VPS35L: variants seen among roughly 807,000 people sequenced by gnomAD.
VPS35L encodes the protein VPS35 endosomal protein-sorting factor-like.
VPS35L carries 83 observed loss-of-function variants against 133.0 expected under a neutral mutation model. That is an observed-to-expected ratio of 0.62 (90% confidence interval 0.52 to 0.75). The LOEUF (loss-of-function observed/expected upper bound fraction) is 0.75, where lower values mean the gene tolerates loss of function less well. Ranked by LOEUF, VPS35L falls within the 30% of genes least tolerant of loss-of-function variation. The pLI, the probability that VPS35L is intolerant of heterozygous loss-of-function variation, is 0.00. For missense variants in VPS35L, 1,083 were observed against 1,206.8 expected (o/e 0.90, Z 1.52); for synonymous variants, 423 against 449.9 (o/e 0.94, Z 0.76).
Position 19,633,587 on chromosome 16 carries a change from G to A in VPS35L, c.1635+415G>A, listed in dbSNP as rs539389782. Among the ~76,000 whole-genome samples the A allele has an allele frequency of 5.8e-4, 89 of 152,234 alleles. No homozygotes were observed. The highest frequency in any genetic ancestry group is 1.9e-3 in the African/African-American group (79 of 41,544). On this transcript the variant is annotated intron_variant, in intron 19 of 30. Transcript: ENST00000417362. This position sits in a 1 kb window ranked among gnomAD's most constrained non-coding sequence, Gnocchi z 4.1. ...GCTGGAGTGCAGTGGTGCGATCACC[G>A]CTTGGCACAGCCTCGACTTCCTGGG...
At chr16:19,681,666 CTG>C (rs1378610806) in intron 27 of VPS35L, among the ~76,000 whole-genome samples, 1 of 152,240 alleles carries the variant, frequency 6.6e-6, no homozygotes, top group Non-Finnish European at 1.5e-5. Flanking sequence ...GCTATAAACT[CTG>C]TGACTGTCTC....
rs1972052047 is a variant in VPS35L, at chr16:19,591,798, G to A, written c.648G>A (p.Lys216=). The part of the protein sequence containing the change: ...KALKIVIQCS[K]LLSDTSVIQF... ...TTTTTCTCTTTTTTTAGTGTTCAAA[G>A]CTTCTTTCAGACACCAGTGTTATTC... The change falls in exon 8 of 31, where the codon AAG becomes AAA. Residue 216 remains lysine, a synonymous_variant. Transcript: ENST00000417362. 7 of 1,611,598 alleles carry A rather than the reference G, an allele frequency of 4.3e-6. No homozygotes were observed. Among genetic ancestry groups the A allele is most frequent in the Non-Finnish European group, 5.9e-6 (7 of 1,178,106 alleles).
intron 9 of VPS35L, among the ~76,000 whole-genome samples, chr16:19,606,225 A>G (rs1972534026): frequency 6.6e-6 from 1 of 152,236 alleles, no homozygotes; most frequent in African/African-American, 2.4e-5. Flanking sequence ...TCAGCTAGAC[A>G]GTGAGAGATT....
At chr16:19,690,962 A>G (rs1597441772) in intron 28 of VPS35L, among the ~76,000 whole-genome samples, 1 of 84,356 alleles carries the variant, frequency 1.2e-5, no homozygotes, top group Admixed American at 1.1e-4. Context: ...ACTCCGTCTC[A>G]AAAAAAAAAA....
At chr16:19,693,814 T>G (rs1228712552) in intron 29 of VPS35L, among the ~76,000 whole-genome samples, 2 of 150,036 alleles carry the variant, frequency 1.3e-5, no homozygotes, top group Non-Finnish European at 3.0e-5. Context: ...CCGGGCGTGG[T>G]GGTGAGTGCC....
chr16:19,582,495 C>G (rs6497384), intron 7 of VPS35L, among the ~76,000 whole-genome samples: 44,220 of 151,876 alleles, frequency 0.29, 8,163 homozygotes, highest in African/African-American at 0.53. Context: ...TTGTATAGTA[C>G]GGGTGATTTC....
At chr16:19,572,653 G>T (rs917689272) in intron 3 of VPS35L, among the ~76,000 whole-genome samples, 3 of 151,988 alleles carry the variant, frequency 2.0e-5, no homozygotes, top group African/African-American at 7.2e-5. Flanking sequence ...AGCATTTTTT[G>T]ATATGTTTAT....
intron 7 of VPS35L, among the ~76,000 whole-genome samples, chr16:19,591,410 G>A (rs1214075555): frequency 1.3e-5 from 2 of 152,050 alleles, no homozygotes; most frequent in South Asian, 2.1e-4. Flanking sequence ...AGGTGATAGT[G>A]TATTTTCTTA....
At chr16:19,637,007 T>TAGGG (rs1300248130) in intron 19 of VPS35L, among the ~76,000 whole-genome samples, 9 of 152,336 alleles carry the variant, frequency 5.9e-5, no homozygotes, top group African/African-American at 2.2e-4. Flanking sequence ...TGATGTAGAA[T>TAGGG]AGGGATTGGC....
intron 3 of VPS35L, among the ~76,000 whole-genome samples, chr16:19,571,377 C>T (rs1971380127): frequency 6.6e-6 from 1 of 151,846 alleles, no homozygotes; most frequent in Non-Finnish European, 1.5e-5. Context: ...CCACCGCACT[C>T]AGCTAATTTT....
intron 27 of VPS35L, among the ~76,000 whole-genome samples, chr16:19,677,069 CTT>C (rs5816063): frequency 3.3e-4 from 47 of 142,166 alleles, no homozygotes; most frequent in Non-Finnish European, 3.5e-4. Context: ...TTCTTTTTTT[CTT>C]TTTTTTTTTT....
intron 14 of VPS35L, chr16:19,617,087 T>TGGTG (rs149170676): frequency 0.015 from 8,897 of 603,370 alleles, 452 homozygotes; most frequent in African/African-American, 0.12. Context: ...TGGCTGGGTG[T>TGGTG]GCTCATATCT....
At chr16:19,612,979 T>G (rs1218013208) in intron 12 of VPS35L, among the ~76,000 whole-genome samples, 2 of 152,086 alleles carry the variant, frequency 1.3e-5, no homozygotes, top group East Asian at 1.9e-4. Context: ...GCTGGTTGGG[T>G]AGTTTCTAAA....
intron 26 of VPS35L, among the ~76,000 whole-genome samples, chr16:19,665,659 G>T (rs1489326797): frequency 6.6e-6 from 1 of 152,184 alleles, no homozygotes. Flanking sequence ...ATATCTCTTC[G>T]ATATACTGAT....
intron 1 of VPS35L, among the ~76,000 whole-genome samples, chr16:19,557,110 C>A (rs947410290): frequency 2.6e-5 from 4 of 151,968 alleles, no homozygotes; most frequent in African/African-American, 9.7e-5. Flanking sequence ...CCAGCCTGGG[C>A]AACAGTGAGA....
At chr16:19,572,662 A>T (rs1400451756) in intron 3 of VPS35L, among the ~76,000 whole-genome samples, 1 of 151,982 alleles carries the variant, frequency 6.6e-6, no homozygotes, top group Non-Finnish European at 1.5e-5. Flanking sequence ...TGATATGTTT[A>T]TTGTCCATTT....
intron 29 of VPS35L, among the ~76,000 whole-genome samples, chr16:19,692,977 G>C (rs1975751001): frequency 6.6e-6 from 1 of 152,228 alleles, no homozygotes; most frequent in Admixed American, 6.5e-5. Flanking sequence ...GTTAGTAGTT[G>C]AAAGGGCAGA....
intron 9 of VPS35L, chr16:19,607,853 G>T (rs1444839727): frequency 9.2e-6 from 2 of 217,626 alleles, no homozygotes; most frequent in East Asian, 9.9e-5. Flanking sequence ...TGCTTGCTGT[G>T]TGCCTTGGGT....
In VPS35L at chr16:19,608,124, C is replaced by T. The variant is rs9924832; in HGVS notation, c.785-54C>T. The T allele has an allele frequency of 6.7e-3, 9,071 of 1,359,726 alleles. 318 individuals carry two copies. The African/African-American group carries it at 0.091, about 14-fold the overall frequency. The allele number at this position is 1,359,726 out of a possible 1,614,324, so 84.2% of individuals were successfully genotyped here. On this transcript the variant is annotated intron_variant, in intron 9 of 30. Transcript: ENST00000417362. ...GGTAATGTATTCCCATCCAGGGACT[C>T]ACACAGATCCTGAGATTTAGGAGGG...
Sources: allele counts gnomAD v4.1 joint callset (sites outside exome capture counted in the v4.1 genomes callset), GRCh38; gene constraint gnomAD v4.1.1; non-coding constraint Gnocchi (gnomAD v3.1); transcripts MANE v1.5; gene names NCBI Gene and HGNC (gene_info 2026-07-23, HGNC 2026-07-21).